The following CPNE2 variants were observed in gnomAD, a reference collection of about 807,000 sequenced individuals.
CPNE2 encodes the protein copine-2.
Under a neutral mutation model 69.7 loss-of-function variants are expected in CPNE2, and 42 were observed. The ratio of observed to expected loss-of-function variants is 0.60; its 90% CI spans 0.47 to 0.78. The LOEUF (loss-of-function observed/expected upper bound fraction) is 0.78. Ranked by LOEUF, CPNE2 falls within the 30% of genes least tolerant of loss-of-function variation. The probability of loss-of-function intolerance (pLI) is 0.00; values close to 1 mark genes in which losing one functional copy is unlikely to be tolerated. For synonymous variants in CPNE2, 294 were observed against 289.8 expected (o/e 1.01, Z -0.15); for missense variants, 587 against 732.0 (o/e 0.80, Z 2.29).
At chr16:57,125,609 G>A (rs2069794933) in intron 10 of CPNE2, 2 of 536,640 alleles carry the variant, frequency 3.7e-6, no homozygotes, top group Non-Finnish European at 3.4e-6. Flanking sequence ...ATCTGGGACT[G>A]TACGTTAGTC....
chr16:57,110,782 G>A lies in CPNE2; in HGVS notation c.40G>A (p.Ala14Thr). The A allele has an allele frequency of 6.2e-7, 1 of 1,613,300 alleles. No individual in the cohort carries two copies. Among genetic ancestry groups the A allele is most frequent in the African/African-American group, 1.3e-5 (1 of 75,022 alleles). ...IPSGGAPAAG[A>T]APMGPQYCVC... Reference sequence around the variant, plus strand: ...CAGTGGGGGTGCCCCAGCAGCGGGGGCAGCCCCCATGGGCCCCCAGTATTG... The same window carrying A: ...CAGTGGGGGTGCCCCAGCAGCGGGGACAGCCCCCATGGGCCCCCAGTATTG... The change falls in exon 2 of 16, where the codon GCA becomes ACA. Residue 14 changes from alanine (A) to threonine (T), a missense_variant. By Grantham distance (58) the Ala-to-Thr change is moderately conservative. Coordinates refer to ENST00000290776, the MANE Select transcript of CPNE2 (RefSeq NM_152727.6).
rs1371327073 is a variant in CPNE2 at position 57,110,842 on chromosome 16, A to G, written c.100A>G (p.Asn34Asp). The change falls in exon 2 of 16, where the codon AAC becomes GAC. Residue 34 changes from asparagine to aspartate, a missense_variant. Physicochemically the swap from Asn to Asp is conservative, Grantham distance 23 (BLOSUM62 1). Around this residue, in one of 5 missense-constraint regions of CPNE2, gnomAD observed 96 missense variants for 94.9 expected, o/e 1.01. Coordinates refer to ENST00000290776, the MANE Select transcript of CPNE2 (RefSeq NM_152727.6). ...GGTGGAGCTGTCAGTGAGTGGCCAG[A>G]ACCTACTGGACCGGGATGTTACCTC... ...CKVELSVSGQNLLDRDVTSKS... is the reference protein window; with the variant it reads ...CKVELSVSGQDLLDRDVTSKS... 8.7e-6 allele frequency: 14 copies of G among 1,613,828 alleles called. No individual in the cohort carries two copies. The highest frequency in any genetic ancestry group is 1.2e-5 in the Non-Finnish European group (14 of 1,179,920).
chr16:57,111,874 A>G (rs780765259), intron 2 of CPNE2, among the ~76,000 whole-genome samples: 15 of 152,184 alleles, frequency 9.9e-5, no homozygotes, highest in African/African-American at 1.7e-4. Flanking sequence ...AGGTTTTAAA[A>G]CTTGCTTTGC....
At chr16:57,140,554 G>A (rs1404465939) in intron 14 of CPNE2, among the ~76,000 whole-genome samples, 2 of 151,532 alleles carry the variant, frequency 1.3e-5, no homozygotes, top group East Asian at 2.0e-4. Context: ...CAGTAACTGG[G>A]AAAGGCCTGG....
At chr16:57,131,363 G>A (rs1266054636) in intron 12 of CPNE2, among the ~76,000 whole-genome samples, 4 of 152,208 alleles carry the variant, frequency 2.6e-5, no homozygotes, top group Non-Finnish European at 4.4e-5. Flanking sequence ...CTAGAATTTC[G>A]GGGAGTGGCC....
chr16:57,119,445 C>T, intron 6 of CPNE2, 116 bp from the exon 7 acceptor site: 1 of 1,133,756 alleles, frequency 8.8e-7, no homozygotes, highest in South Asian at 1.3e-5. Context: ...TCACTTCTGT[C>T]TCTGGAAGTG....
chr16:57,129,433 C>G (rs1221296810), intron 12 of CPNE2, among the ~76,000 whole-genome samples: 2 of 152,150 alleles, frequency 1.3e-5, no homozygotes, highest in African/African-American at 4.8e-5. Context: ...CAACTGGGCA[C>G]TGAGGCGGGG....
chr16:57,126,505 C>T (rs2069802251), intron 11 of CPNE2, among the ~76,000 whole-genome samples: 1 of 151,710 alleles, frequency 6.6e-6, no homozygotes, highest in Non-Finnish European at 1.5e-5. Context: ...TTGGGTCGGG[C>T]TGGGTACCAC....
chr16:57,093,493 C>A (rs1354690793), intron 1 of CPNE2, among the ~76,000 whole-genome samples: 1 of 152,120 alleles, frequency 6.6e-6, no homozygotes, highest in Non-Finnish European at 1.5e-5. Context: ...CACCCTCTTC[C>A]CTGCTCTTCC....
rs754598261 is a variant in CPNE2, at chr16:57,117,509, A to T, written c.449A>T (p.Glu150Val). The T allele has an allele frequency of 1.9e-5, 31 of 1,613,584 alleles. No homozygotes were observed. The African/African-American group carries it at 3.2e-4, about 17-fold the overall frequency. ...GKGLITIAAQ[E>V]LSDNRVITLS... ...CCGGCCTTACAGATCGCTGCCCAGG[A>T]GCTGTCCGACAACCGCGTCATCACA... Residue 150 changes from glutamate to valine, a missense_variant, in exon 5 of 16, where the codon GAG (glutamate) becomes GTG (valine). Glu to Val is a moderately radical substitution (Grantham distance 121). Around this residue, in one of 5 missense-constraint regions of CPNE2, gnomAD observed 269 missense variants for 300.5 expected, o/e 0.90. Coordinates refer to ENST00000290776, the MANE Select transcript of CPNE2 (RefSeq NM_152727.6).
chr16:57,115,396 T>C (rs1473694580), intron 3 of CPNE2, 80 bp from the exon 4 acceptor site: 3 of 1,187,422 alleles, frequency 2.5e-6, no homozygotes, highest in Non-Finnish European at 3.7e-6. Context: ...AAGAGGATTT[T>C]TCCGGTGCCG....
intron 1 of CPNE2, among the ~76,000 whole-genome samples, chr16:57,101,092 C>CAGA (rs2069610355): frequency 6.6e-6 from 1 of 152,212 alleles, no homozygotes; most frequent in Admixed American, 6.5e-5. Context: ...CAGAGGCCTT[C>CAGA]AGGGCAAAGA....
intron 1 of CPNE2, among the ~76,000 whole-genome samples, chr16:57,101,434 C>G (rs751547237): frequency 6.6e-6 from 1 of 152,150 alleles, no homozygotes; most frequent in African/African-American, 2.4e-5. Flanking sequence ...CATCAGGGCC[C>G]GTAGGGAATG....
chr16:57,128,370 C>T (rs1396850145), intron 12 of CPNE2, among the ~76,000 whole-genome samples: 1 of 152,134 alleles, frequency 6.6e-6, no homozygotes, highest in Non-Finnish European at 1.5e-5. Flanking sequence ...GCTGGGATTA[C>T]AGGTGCCCAC....
intron 1 of CPNE2, among the ~76,000 whole-genome samples, chr16:57,101,991 G>T (rs1194640566): frequency 6.7e-6 from 1 of 150,302 alleles, no homozygotes; most frequent in Non-Finnish European, 1.5e-5. Flanking sequence ...CTGTTGCCCA[G>T]CCTGGAGTGC....
At chr16:57,137,665 G>A (rs2069892899) in intron 14 of CPNE2, among the ~76,000 whole-genome samples, 1 of 152,144 alleles carries the variant, frequency 6.6e-6, no homozygotes, top group Non-Finnish European at 1.5e-5. Flanking sequence ...CTTACACTGA[G>A]GGCTGCTGAA....
chr16:57,139,654 C>T (rs544960807), intron 14 of CPNE2, among the ~76,000 whole-genome samples: 125 of 152,286 alleles, frequency 8.2e-4, no homozygotes, highest in African/African-American at 2.9e-3. Flanking sequence ...TCAGTTAGGT[C>T]TGATTTCTTT....
At chr16:57,106,353 G>A (rs1324751257) in intron 1 of CPNE2, among the ~76,000 whole-genome samples, 1 of 152,202 alleles carries the variant, frequency 6.6e-6, no homozygotes, top group African/African-American at 2.4e-5. Flanking sequence ...CACGCCCTCA[G>A]TCAGGCTGGA....
At chr16:57,139,784 C>G (rs1351010978) in intron 14 of CPNE2, among the ~76,000 whole-genome samples, 2 of 152,042 alleles carry the variant, frequency 1.3e-5, no homozygotes, top group African/African-American at 4.8e-5. Flanking sequence ...AAATGGGTAC[C>G]CTGGAGTGGC....
Sources: allele counts gnomAD v4.1 joint callset (sites outside exome capture counted in the v4.1 genomes callset), GRCh38; gene constraint gnomAD v4.1.1; regional missense constraint gnomAD v4.1.1; transcripts MANE v1.5; gene names NCBI Gene and HGNC (gene_info 2026-07-23, HGNC 2026-07-21).